FRMD4A: variants seen among roughly 807,000 people sequenced by gnomAD.
FRMD4A encodes FERM domain containing 4A, also known as FERM domain-containing protein 4A.
A neutral mutation model predicts 129.1 loss-of-function variants in FRMD4A; 29 were observed. That is an observed-to-expected ratio of 0.22 (90% CI 0.17 to 0.31). FRMD4A has a LOEUF of 0.31. Ranked by LOEUF, FRMD4A falls within the 10% of genes least tolerant of loss-of-function variation. The pLI, the probability that FRMD4A is intolerant of heterozygous loss-of-function variation, is 1.00. For synonymous variants in FRMD4A, 634 were observed against 571.6 expected, an observed-to-expected ratio of 1.11 and a Z score of -1.56; for missense variants, 1,272 against 1,375.8, an observed-to-expected ratio of 0.92 and a Z score of 1.19.
intron 2 of FRMD4A, among the ~76,000 whole-genome samples, chr10:14,307,754 G>A (rs1272446349): frequency 6.6e-6 from 1 of 152,148 alleles, no homozygotes; most frequent in East Asian, 1.9e-4. Flanking sequence ...GCTTTCTCAA[G>A]CATCCCCTCT....
intron 2 of FRMD4A, among the ~76,000 whole-genome samples, chr10:14,200,511 T>C (rs1452906950): frequency 1.3e-5 from 2 of 152,170 alleles, no homozygotes; most frequent in Admixed American, 6.5e-5. Flanking sequence ...CAGGCTGATC[T>C]CGAACTCCTG....
rs1269955047 is a variant in FRMD4A at position 14,198,404 on chromosome 10, A to G, written c.45+131654T>C. On this transcript the variant is annotated intron_variant, in intron 2 of 24. Coordinates refer to ENST00000357447, the MANE Select transcript of FRMD4A (RefSeq NM_018027.5). ...TGGTTCTTGGCCAGGCGGAATAGAA[A>G]CAAGGTTTACTGAAGGGGCCTAGGC... Among the ~76,000 whole-genome samples the G allele has an allele frequency of 2.6e-5, 4 of 152,186 alleles. No individual in the cohort carries two copies. In the South Asian group the frequency reaches 8.3e-4, roughly 32 times the overall value.
chr10:14,279,810 G>T (rs927632732), intron 2 of FRMD4A, among the ~76,000 whole-genome samples: 1 of 152,130 alleles, frequency 6.6e-6, no homozygotes, highest in African/African-American at 2.4e-5. Flanking sequence ...TCAAAGAGAC[G>T]GAAGTCCAAA....
At chr10:14,104,000 A>G (rs1187637564) in intron 2 of FRMD4A, among the ~76,000 whole-genome samples, 1 of 152,248 alleles carries the variant, frequency 6.6e-6, no homozygotes, top group Non-Finnish European at 1.5e-5. Flanking sequence ...GTAAGGTACC[A>G]GGTCCTCCTT....
chr10:14,028,664 T>A (rs573499804), intron 2 of FRMD4A, among the ~76,000 whole-genome samples: 8 of 152,208 alleles, frequency 5.3e-5, no homozygotes, highest in Non-Finnish European at 1.0e-4. Context: ...AGACCCCCAT[T>A]TTCCACAGTG....
intron 4 of FRMD4A, among the ~76,000 whole-genome samples, chr10:13,801,072 C>G (rs1159871943): frequency 6.6e-6 from 1 of 152,180 alleles, no homozygotes; most frequent in African/African-American, 2.4e-5. Flanking sequence ...CATGCTGAAA[C>G]CCCGTCTCTA....
intron 24 of FRMD4A, chr10:13,651,172 A>T (rs1373257910): frequency 6.6e-6 from 1 of 152,256 alleles, no homozygotes; most frequent in Admixed American, 6.5e-5. Flanking sequence ...GGTGCCCGGG[A>T]GACTAGCTTT....
intron 2 of FRMD4A, among the ~76,000 whole-genome samples, chr10:14,282,568 G>T (rs1360618268): frequency 1.3e-5 from 2 of 152,148 alleles, no homozygotes; most frequent in African/African-American, 2.4e-5. Flanking sequence ...AGCTCCCAAG[G>T]AGATTCTTTT....
intron 2 of FRMD4A, among the ~76,000 whole-genome samples, chr10:13,997,805 G>GGCAAAACT (rs2095628268): frequency 6.6e-6 from 1 of 151,780 alleles, no homozygotes. Context: ...TTGTAGAGAT[G>GGCAAAACT]GGGTTTTGCC....
At chr10:13,734,417 G>A (rs138255938) in intron 12 of FRMD4A, among the ~76,000 whole-genome samples, 380 of 152,220 alleles carry the variant, frequency 2.5e-3, no homozygotes, top group African/African-American at 7.3e-3. Flanking sequence ...AGTCCTCTTC[G>A]CAGAGCCTTC....
chr10:13,963,265 G>A (rs1417396232), intron 2 of FRMD4A, among the ~76,000 whole-genome samples: 2 of 107,856 alleles, frequency 1.9e-5, no homozygotes, highest in African/African-American at 7.1e-5. Context: ...CTTGGTGCAA[G>A]CCTCTTTTTT....
intron 2 of FRMD4A, among the ~76,000 whole-genome samples, chr10:13,922,794 G>A (rs1296242277): frequency 6.6e-6 from 1 of 152,124 alleles, no homozygotes; most frequent in Non-Finnish European, 1.5e-5. Context: ...ACATAGTAGA[G>A]CTGAATCATT....
intron 2 of FRMD4A, chr10:13,972,077 A>T: frequency 8.8e-7 from 1 of 1,132,202 alleles, no homozygotes; most frequent in African/African-American, 1.6e-5. Context: ...CACCAGGGAC[A>T]AGGTAAAAAT....
At position 13,822,706 on chromosome 10, in the gene FRMD4A, A is replaced by G. The variant is rs2093647529; in HGVS notation, c.112-11798T>C. 2.0e-5 allele frequency among the ~76,000 whole-genome samples: 3 copies of G among 152,180 alleles called. No homozygotes were observed. In the South Asian group the frequency reaches 6.2e-4, roughly 32 times the overall value. Reference sequence around the variant, plus strand: ...GATGCCAGAGAGCCACTGGGTTTCAATCAGATCACACAGCTCCAGGCAGCC... The same window carrying G: ...GATGCCAGAGAGCCACTGGGTTTCAGTCAGATCACACAGCTCCAGGCAGCC... On this transcript the variant is annotated intron_variant, in intron 3 of 24. Coordinates refer to ENST00000357447, the MANE Select transcript of FRMD4A (RefSeq NM_018027.5).
At chr10:13,713,945 T>A in intron 12 of FRMD4A, among the ~76,000 whole-genome samples, 1 of 135,016 alleles carries the variant, frequency 7.4e-6, no homozygotes, top group Non-Finnish European at 1.5e-5. Context: ...TACATATATG[T>A]AATACACACA....
chr10:13,938,926 T>C (rs1196002724), intron 2 of FRMD4A, among the ~76,000 whole-genome samples: 1 of 152,136 alleles, frequency 6.6e-6, no homozygotes, highest in Non-Finnish European at 1.5e-5. Flanking sequence ...TCATGAGATA[T>C]GTTTGATTGT....
intron 2 of FRMD4A, among the ~76,000 whole-genome samples, chr10:13,957,367 C>G (rs1461909770): frequency 1.3e-5 from 2 of 152,198 alleles, no homozygotes; most frequent in African/African-American, 4.8e-5. Context: ...AAGTCTCTTG[C>G]CTCAGCCTCC....
At chr10:13,758,147 G>T (rs2091935712) in intron 8 of FRMD4A, among the ~76,000 whole-genome samples, 1 of 152,174 alleles carries the variant, frequency 6.6e-6, no homozygotes, top group African/African-American at 2.4e-5. Context: ...ATGTAATTTG[G>T]ATATAGTCCC....
At chr10:14,022,417 A>C (rs532334583) in intron 2 of FRMD4A, among the ~76,000 whole-genome samples, 2 of 152,344 alleles carry the variant, frequency 1.3e-5, no homozygotes, top group South Asian at 4.1e-4. Flanking sequence ...GATAGGCTTA[A>C]AAGAGAACTT....
Sources: allele counts gnomAD v4.1 joint callset (sites outside exome capture counted in the v4.1 genomes callset), GRCh38; gene constraint gnomAD v4.1.1; transcripts MANE v1.5; gene names NCBI Gene and HGNC (gene_info 2026-07-23, HGNC 2026-07-21).